Variants in LMX1B observed in about 807,000 individuals in gnomAD.
The protein encoded by LMX1B is LIM homeobox transcription factor 1 beta.
LMX1B carries 12 observed loss-of-function variants against 51.4 expected under a neutral mutation model. The observed-to-expected ratio is 0.23, with a 90% CI of 0.15 to 0.38. The LOEUF is 0.38. Ranked by LOEUF, LMX1B falls within the 10% of genes least tolerant of loss-of-function variation. The probability of loss-of-function intolerance (pLI) is 1.00; values close to 1 mark genes in which losing one functional copy is unlikely to be tolerated. For synonymous variants in LMX1B, 237 were observed against 235.4 expected (o/e 1.01, Z -0.06); for missense variants, 445 against 571.1 (o/e 0.78, Z 2.25).
intron 2 of LMX1B, among the ~76,000 whole-genome samples, chr9:126,664,996 G>C (rs1214777735): frequency 6.6e-6 from 1 of 152,262 alleles, no homozygotes; most frequent in African/African-American, 2.4e-5. Flanking sequence ...TCTCATTGGA[G>C]AGGCTGAAGC....
intron 2 of LMX1B, among the ~76,000 whole-genome samples, chr9:126,650,792 G>A (rs1445012694): frequency 6.6e-6 from 1 of 152,194 alleles, no homozygotes. Flanking sequence ...GGGTGCCCTG[G>A]GCGGCCCTCG....
At chr9:126,694,251 G>C (rs28510333) in intron 6 of LMX1B, among the ~76,000 whole-genome samples, 1 of 151,960 alleles carries the variant, frequency 6.6e-6, no homozygotes, top group African/African-American at 2.4e-5. Context: ...ACTGCAAGGG[G>C]GGGTATTGCC....
intron 2 of LMX1B, among the ~76,000 whole-genome samples, chr9:126,627,320 C>A (rs983288651): frequency 1.3e-5 from 2 of 152,150 alleles, no homozygotes; most frequent in South Asian, 4.1e-4. Flanking sequence ...GCCCTGCCCT[C>A]AGCCTGCTTG....
intron 2 of LMX1B, among the ~76,000 whole-genome samples, chr9:126,679,468 G>C (rs887044672): frequency 2.0e-5 from 3 of 151,620 alleles, no homozygotes; most frequent in Non-Finnish European, 4.4e-5. Context: ...TGCATGCGTG[G>C]ATGTTTGTAT....
intron 2 of LMX1B, among the ~76,000 whole-genome samples, chr9:126,637,877 C>CCT (rs1230453425): frequency 6.6e-6 from 1 of 150,676 alleles, no homozygotes; most frequent in East Asian, 2.0e-4. Context: ...ACCCTCCCCT[C>CCT]CTCTCTGTCT....
intron 2 of LMX1B, among the ~76,000 whole-genome samples, chr9:126,686,656 TGCCCAGG>T (rs1443314495): frequency 6.6e-6 from 1 of 152,126 alleles, no homozygotes; most frequent in Non-Finnish European, 1.5e-5. Flanking sequence ...ATGGGCATGG[TGCCCAGG>T]GCCCAGGGTA....
chr9:126,615,587 T>G lies in LMX1B; in HGVS notation c.326+18T>G, dbSNP rs1329761726. On this transcript the variant is annotated intron_variant, in intron 2 of 7. Transcript: ENST00000373474. The surrounding 1 kb of genome is among the most constrained non-coding windows in gnomAD (Gnocchi z 6.0). Reference sequence around the variant, plus strand: ...TACCAACAGTAAGCGCTTCTCGTCCTCCTTCCCCGCCACCGCCCGGCACTC... The same window carrying G: ...TACCAACAGTAAGCGCTTCTCGTCCGCCTTCCCCGCCACCGCCCGGCACTC... 1 of 1,593,506 alleles carries G rather than the reference T, an allele frequency of 6.3e-7. No homozygotes were observed. Among genetic ancestry groups the G allele is most frequent in the Non-Finnish European group, 8.5e-7 (1 of 1,170,050 alleles).
In LMX1B at chr9:126,624,362, G is replaced by A. The variant is rs532850698; in HGVS notation, c.326+8793G>A. Among the ~76,000 whole-genome samples the A allele has an allele frequency of 5.8e-3, 889 of 152,350 alleles. 11 individuals carry two copies. The highest frequency in any genetic ancestry group is 9.0e-3 in the Non-Finnish European group (613 of 68,030). ...GGAGTAAGACTGGCGGGGAGAGCTG[G>A]CATTTTCATTCCTTGTTGAGCACAG... On this transcript the variant is annotated intron_variant, in intron 2 of 7. Coordinates refer to ENST00000373474, the MANE Select transcript of LMX1B (RefSeq NM_001174147.2).
intron 2 of LMX1B, among the ~76,000 whole-genome samples, chr9:126,681,402 C>T (rs141782957): frequency 1.6e-4 from 24 of 152,128 alleles, no homozygotes; most frequent in Admixed American, 1.4e-3. Context: ...TCCATCATTC[C>T]GGATGCTCAG....
chr9:126,693,094 T>TG, intron 3 of LMX1B, 48 bp from the exon 4 acceptor site: 4 of 1,536,128 alleles, frequency 2.6e-6, no homozygotes, highest in Non-Finnish European at 3.5e-6. Flanking sequence ...GGCTGAGGCC[T>TG]GGGCTGCCCC....
intron 2 of LMX1B, among the ~76,000 whole-genome samples, chr9:126,688,869 A>G (rs2030005292): frequency 6.6e-6 from 1 of 152,160 alleles, no homozygotes; most frequent in South Asian, 2.1e-4. Flanking sequence ...TGAGGATCAG[A>G]TGGGGCCAGG....
chr9:126,615,231 C>T lies in LMX1B; in HGVS notation c.140-152C>T, dbSNP rs1835279216. ...ACGGACTAGCCGGGGCCGCCCGGCC[C>T]CTGGCGCGGCGGTCCGGGGAGCGCA... On this transcript the variant is annotated intron_variant, in intron 1 of 7. Transcript: ENST00000373474. This position sits in a 1 kb window ranked among gnomAD's most constrained non-coding sequence, Gnocchi z 6.0. 1.0e-5 allele frequency: 3 copies of T among 293,896 alleles called. No individual in the cohort carries two copies. Among genetic ancestry groups the T allele is most frequent in the Non-Finnish European group, 1.7e-5 (3 of 180,178 alleles). 18.2% of individuals were successfully genotyped at this position (293,896 alleles called of 1,614,324 possible).
At chr9:126,685,980 C>G (rs1176056917) in intron 2 of LMX1B, among the ~76,000 whole-genome samples, 1 of 152,074 alleles carries the variant, frequency 6.6e-6, no homozygotes, top group African/African-American at 2.4e-5. Flanking sequence ...CTTGGAGAAG[C>G]TGGAGTGCTC....
intron 2 of LMX1B, among the ~76,000 whole-genome samples, chr9:126,664,780 CAGG>C (rs1836311573): frequency 6.6e-6 from 1 of 152,170 alleles, no homozygotes; most frequent in South Asian, 2.1e-4. Context: ...GAGGCTGAGG[CAGG>C]AGAATCGCTT....
At position 126,614,093 on chromosome 9, in the gene LMX1B, CCCGCCT is replaced by C. The variant is rs1383335362; in HGVS notation, c.-356_-351del. 7.0e-6 allele frequency among the ~76,000 whole-genome samples: 1 copy of C among 141,874 alleles called. No homozygotes were observed. The highest frequency in any genetic ancestry group is 2.2e-4 in the South Asian group (1 of 4,612). The allele number at this position is 141,874 out of a possible 152,430, so 93.1% of individuals were successfully genotyped here. A position where few individuals can be genotyped will look rare whatever the true frequency, so the allele number is the denominator to read the frequency against. On this transcript the variant is annotated 5_prime_UTR_variant, in exon 1 of 8. Transcript: ENST00000373474. ...CCGCCCCTGCACCCCCACCCCCTCC[CCCGCCT>C]GCCGCCGCCGCCACCGCCACCGCCG...
intron 2 of LMX1B, among the ~76,000 whole-genome samples, chr9:126,663,431 A>G (rs1258242048): frequency 1.1e-5 from 1 of 91,326 alleles, no homozygotes; most frequent in Non-Finnish European, 3.1e-5. Flanking sequence ...CTCAAAAAAA[A>G]AAAAAAAGAA....
chr9:126,629,744 AT>A (rs1161645046), intron 2 of LMX1B, among the ~76,000 whole-genome samples: 2 of 151,848 alleles, frequency 1.3e-5, no homozygotes, highest in Admixed American at 1.3e-4. Context: ...ATTATTTCCC[AT>A]TTTGCCAACA....
Position 126,658,221 on chromosome 9 carries a change from G to C in LMX1B, c.327-32615G>C, listed in dbSNP as rs986928387. ...TGTAGGAGTGGGACAGGGCAGGAGG[G>C]GGGTGAGTCTACAAAGGGTACCAAA... is the stretch of plus-strand genomic sequence containing the variant. On this transcript the variant is annotated intron_variant, in intron 2 of 7. Coordinates refer to ENST00000373474, the MANE Select transcript of LMX1B (RefSeq NM_001174147.2). The surrounding 1 kb of genome is among the most constrained non-coding windows in gnomAD (Gnocchi z 4.0). 2.6e-5 allele frequency among the ~76,000 whole-genome samples: 4 copies of C among 152,076 alleles called. No homozygotes were observed. The highest frequency in any genetic ancestry group is 1.9e-4 in the East Asian group (1 of 5,182).
intron 1 of LMX1B, among the ~76,000 whole-genome samples, chr9:126,614,889 A>C (rs1835272044): frequency 6.6e-6 from 1 of 152,002 alleles, no homozygotes; most frequent in African/African-American, 2.4e-5. Context: ...CCTAGCAATC[A>C]CCTTGGCGAG....
Sources: allele counts gnomAD v4.1 joint callset (sites outside exome capture counted in the v4.1 genomes callset), GRCh38; gene constraint gnomAD v4.1.1; non-coding constraint Gnocchi (gnomAD v3.1); transcripts MANE v1.5; gene names NCBI Gene and HGNC (gene_info 2026-07-23, HGNC 2026-07-21).